RBFOX1: variants seen among roughly 807,000 people sequenced by gnomAD.
The protein encoded by RBFOX1 is RNA binding fox-1 homolog 1, also known as RNA binding protein fox-1 homolog 1.
In RBFOX1, 8 loss-of-function variants were observed where a neutral mutation model predicts 57.7. The ratio of observed to expected loss-of-function variants is 0.14; its 90% confidence interval spans 0.08 to 0.25. The LOEUF (loss-of-function observed/expected upper bound fraction) is 0.25, where lower values mean the gene tolerates loss of function less well. RBFOX1 is among the 10% of genes least tolerant of loss of function. RBFOX1 has a pLI of 1.00. For synonymous variants in RBFOX1, 326 were observed against 222.4 expected, an observed-to-expected ratio of 1.47 and a Z score of -4.15; for missense variants, 611 against 548.5, an observed-to-expected ratio of 1.11 and a Z score of -1.14.
chr16:6,619,598 G>C (rs1175720470), intron 2 of RBFOX1, among the ~76,000 whole-genome samples: 17 of 151,618 alleles, frequency 1.1e-4, no homozygotes, highest in Admixed American at 1.1e-3. Flanking sequence ...ATGCGTCTAA[G>C]GGTAGGAGAC....
chr16:6,091,011 T>A (rs924417204), intron 1 of RBFOX1, among the ~76,000 whole-genome samples: 1 of 152,252 alleles, frequency 6.6e-6, no homozygotes, highest in African/African-American at 2.4e-5. Flanking sequence ...TTAGGGTATT[T>A]AAGATATTCA....
intron 2 of RBFOX1, among the ~76,000 whole-genome samples, chr16:6,320,322 C>G (rs1599601107): frequency 6.6e-6 from 1 of 151,980 alleles, no homozygotes; most frequent in Non-Finnish European, 1.5e-5. Context: ...CCTTGAAGCT[C>G]AGGCTTCAGC....
chr16:6,537,639 C>G (rs1293492695), intron 2 of RBFOX1, among the ~76,000 whole-genome samples: 3 of 152,114 alleles, frequency 2.0e-5, no homozygotes, highest in African/African-American at 7.2e-5. Flanking sequence ...GTTTATTTGT[C>G]TGAAGTGTAA....
intron 3 of RBFOX1, among the ~76,000 whole-genome samples, chr16:6,805,079 G>C (rs2086418055): frequency 6.6e-6 from 1 of 152,130 alleles, no homozygotes; most frequent in Non-Finnish European, 1.5e-5. Context: ...CTACCATAAA[G>C]ACCCATGCAC....
At chr16:6,912,261 A>T (rs533544236) in intron 3 of RBFOX1, among the ~76,000 whole-genome samples, 4 of 152,184 alleles carry the variant, frequency 2.6e-5, no homozygotes, top group Non-Finnish European at 4.4e-5. Flanking sequence ...ACCTGCTGGC[A>T]TTGTTAAAAT....
chr16:6,320,439 A>G (rs984814065), intron 2 of RBFOX1, among the ~76,000 whole-genome samples: 8 of 152,040 alleles, frequency 5.3e-5, no homozygotes, highest in African/African-American at 1.4e-4. Flanking sequence ...AATCGCCACT[A>G]AAGAACTCAT....
chr16:6,734,752 C>G (rs1350602428), intron 3 of RBFOX1, among the ~76,000 whole-genome samples: 5 of 152,168 alleles, frequency 3.3e-5, no homozygotes, highest in Non-Finnish European at 5.9e-5. Flanking sequence ...TCCTTTTACC[C>G]CTATCCAATC....
intron 4 of RBFOX1, among the ~76,000 whole-genome samples, chr16:7,439,949 C>CTTTTTTTTTT: frequency 1.1e-5 from 1 of 94,062 alleles, no homozygotes; most frequent in Non-Finnish European, 2.5e-5. Context: ...TCTTTTCTTT[C>CTTTTTTTTTT]TTTTTTTTTT....
intron 4 of RBFOX1, among the ~76,000 whole-genome samples, chr16:7,259,459 A>G (rs1322068268): frequency 6.6e-6 from 1 of 152,084 alleles, no homozygotes; most frequent in African/African-American, 2.4e-5. Flanking sequence ...ATTGCATAAA[A>G]TATTGCAGCC....
intron 1 of RBFOX1, among the ~76,000 whole-genome samples, chr16:6,079,743 G>T (rs1352993398): frequency 6.6e-6 from 1 of 152,124 alleles, no homozygotes; most frequent in African/African-American, 2.4e-5. Flanking sequence ...GGCTGAGATG[G>T]GAGGATGGCC....
chr16:6,655,892 C>CA (rs2098647417), intron 3 of RBFOX1, among the ~76,000 whole-genome samples: 1 of 152,090 alleles, frequency 6.6e-6, no homozygotes, highest in South Asian at 2.1e-4. Flanking sequence ...GAGGACTTCT[C>CA]AAAACAAAAA....
chr16:7,563,761 C>G lies in RBFOX1; in HGVS notation c.271-16016C>G, dbSNP rs1447787584. On this transcript the variant is annotated intron_variant, in intron 5 of 15. Transcript: ENST00000550418. ...GGGATTACAGGGCTGAGCCACCGCA[C>G]CCACTCTATTATATATTTTAACTAC... 2.6e-5 allele frequency among the ~76,000 whole-genome samples: 4 copies of G among 152,246 alleles called. No individual in the cohort carries two copies. The Middle Eastern group carries it at 0.014, about 518-fold the overall frequency.
At chr16:7,001,025 A>G (rs75603163) in intron 3 of RBFOX1, among the ~76,000 whole-genome samples, 3,374 of 152,138 alleles carry the variant, frequency 0.022, 129 homozygotes, top group African/African-American at 0.075. Context: ...TTTTTCATTT[A>G]TTAGATAGAA....
At chr16:7,263,245 A>C (rs1399202885) in intron 4 of RBFOX1, among the ~76,000 whole-genome samples, 4 of 152,186 alleles carry the variant, frequency 2.6e-5, no homozygotes, top group African/African-American at 9.7e-5. Context: ...GGAAGGTACT[A>C]GGCACACATC....
intron 2 of RBFOX1, among the ~76,000 whole-genome samples, chr16:6,390,804 G>T (rs1346050976): frequency 6.6e-6 from 1 of 152,060 alleles, no homozygotes; most frequent in Non-Finnish European, 1.5e-5. Flanking sequence ...AAGGTCCTGG[G>T]GCAGGAAGGA....
intron 3 of RBFOX1, among the ~76,000 whole-genome samples, chr16:5,709,287 A>T (rs886116399): frequency 6.6e-6 from 1 of 152,162 alleles, no homozygotes; most frequent in Non-Finnish European, 1.5e-5. Flanking sequence ...CATAATCAGG[A>T]ATTCCACAAA....
At chr16:7,315,982 T>C (rs2099841996) in intron 4 of RBFOX1, among the ~76,000 whole-genome samples, 1 of 152,198 alleles carries the variant, frequency 6.6e-6, no homozygotes, top group South Asian at 2.1e-4. Context: ...AAAGACCCAT[T>C]ATGCAATTAG....
At chr16:7,168,758 C>G (rs2080080978) in intron 4 of RBFOX1, among the ~76,000 whole-genome samples, 1 of 152,172 alleles carries the variant, frequency 6.6e-6, no homozygotes, top group Non-Finnish European at 1.5e-5. Flanking sequence ...TATTTATTCA[C>G]TCCATAATGT....
intron 4 of RBFOX1, among the ~76,000 whole-genome samples, chr16:7,188,019 A>G (rs748178001): frequency 9.2e-5 from 14 of 152,176 alleles, no homozygotes; most frequent in Non-Finnish European, 8.8e-5. Flanking sequence ...TTATCTCTAG[A>G]TAGTGAGATT....
Sources: gnomAD v4.1 joint callset for allele counts (sites outside exome capture counted in the v4.1 genomes callset) on GRCh38, gnomAD v4.1.1 for gene constraint, MANE v1.5 for transcripts, NCBI Gene and HGNC (gene_info 2026-07-23, HGNC 2026-07-21) for gene names.